The following CD38 variants were observed in gnomAD, a reference collection of about 807,000 sequenced individuals.
The protein encoded by CD38 is ADP-ribosyl cyclase/cyclic ADP-ribose hydrolase 1.
CD38 carries 31 observed loss-of-function variants against 36.3 expected under a neutral mutation model. That is an observed-to-expected ratio of 0.85 (90% CI 0.64 to 1.15). CD38 has a LOEUF of 1.15. Ranked by LOEUF, CD38 falls within the 50% of genes most tolerant of loss-of-function variation. CD38 has a pLI of 0.00. For missense variants in CD38, 380 were observed against 371.9 expected, an observed-to-expected ratio of 1.02 and a Z score of -0.18; for synonymous variants, 131 against 135.2, an observed-to-expected ratio of 0.97 and a Z score of 0.22.
intron 1 of CD38, among the ~76,000 whole-genome samples, chr4:15,780,696 A>G (rs1457107017): frequency 2.0e-5 from 3 of 152,158 alleles, no homozygotes; most frequent in Non-Finnish European, 4.4e-5. Context: ...TAACAATGAC[A>G]GTTTTATTTT....
intron 3 of CD38, among the ~76,000 whole-genome samples, chr4:15,830,531 A>AT (rs1723939277): frequency 6.6e-6 from 1 of 152,122 alleles, no homozygotes. Context: ...ATTTTCTCCC[A>AT]TTCTGTGGGC....
chr4:15,787,827 A>C (rs1722874695), intron 1 of CD38, among the ~76,000 whole-genome samples: 1 of 152,202 alleles, frequency 6.6e-6, no homozygotes, highest in Non-Finnish European at 1.5e-5. Flanking sequence ...TTCAGTACAG[A>C]CATAATGCCG....
rs79571377 is a variant in CD38, at chr4:15,816,743, A to C, written c.363+103A>C. 1,184 of 1,227,248 alleles carry C rather than the reference A, an allele frequency of 9.6e-4. 11 individuals carry two copies. The African/African-American group carries it at 0.016, about 17-fold the overall frequency. The allele number at this position is 1,227,248 out of a possible 1,614,324, so 76.0% of individuals were successfully genotyped here. On this transcript the variant is annotated intron_variant, in intron 2 of 7. Transcript: ENST00000226279. ...TAGAATGAAGGAAGAGGAAAAATCC[A>C]GACATTATAGTGTGAGTGTGGTTGG...
chr4:15,851,476 T>C lies in CD38; in HGVS notation c.*2874T>C, dbSNP rs1286655680. 6.6e-6 allele frequency: 1 copy of C among 152,210 alleles called. No homozygotes were observed. Among genetic ancestry groups the C allele is most frequent in the Non-Finnish European group, 1.5e-5 (1 of 68,054 alleles). The allele number at this position is 152,210 out of a possible 1,614,324, so 9.4% of individuals were successfully genotyped here. Reference sequence around the variant, plus strand: ...CACCATCATGCTTACCCAAAGGCTGTGGGAATGACCTGGGCCCTAATGCCC... The same window carrying C: ...CACCATCATGCTTACCCAAAGGCTGCGGGAATGACCTGGGCCCTAATGCCC... On this transcript the variant is annotated 3_prime_UTR_variant, in exon 8 of 8. Coordinates refer to ENST00000226279, the MANE Select transcript of CD38 (RefSeq NM_001775.4).
chr4:15,785,615 A>G (rs1577631589), intron 1 of CD38, among the ~76,000 whole-genome samples: 1 of 152,032 alleles, frequency 6.6e-6, no homozygotes, highest in Non-Finnish European at 1.5e-5. Context: ...ACTCTTGAAA[A>G]ACAGCTGCCA....
At position 15,840,529 on chromosome 4, in the gene CD38, A is replaced by G. The variant is rs1170180216; in HGVS notation, c.830A>G (p.Asn277Ser). The change falls in exon 7 of 8, where the codon AAT becomes AGT. Residue 277 changes from asparagine (N) to serine (S), a missense_variant. Transcript: ENST00000226279. ...SKRNIQFSCK[N>S]IYRPDKFLQC... ...AGGAATATTCAATTTTCCTGCAAGA[A>G]TATCTACAGGTAATTAATTTCTTCT... The G allele has an allele frequency of 1.9e-6, 3 of 1,557,650 alleles. No individual in the cohort carries two copies. Among genetic ancestry groups the G allele is most frequent in the South Asian group, 1.1e-5 (1 of 89,300 alleles).
chr4:15,803,743 C>G (rs1723277528), intron 1 of CD38, among the ~76,000 whole-genome samples: 1 of 152,072 alleles, frequency 6.6e-6, no homozygotes, highest in Non-Finnish European at 1.5e-5. Flanking sequence ...ATGATTGAAC[C>G]CATCTCCCAG....
chr4:15,790,628 T>C (rs1191555686), intron 1 of CD38, among the ~76,000 whole-genome samples: 54 of 138,754 alleles, frequency 3.9e-4, no homozygotes, highest in African/African-American at 9.8e-4. Context: ...CGTCTCTGCC[T>C]GGCCCCCCAT....
Position 15,778,844 on chromosome 4 carries a change from G to A in CD38, c.233+197G>A, listed in dbSNP as rs1722622726. 6.7e-6 allele frequency among the ~76,000 whole-genome samples: 1 copy of A among 150,078 alleles called. No homozygotes were observed. The highest frequency in any genetic ancestry group is 1.5e-5 in the Non-Finnish European group (1 of 67,482). On this transcript the variant is annotated intron_variant, in intron 1 of 7. Transcript: ENST00000226279. The surrounding 1 kb of genome is among the most constrained non-coding windows in gnomAD (Gnocchi z 4.9). ...TTCAGGAGCAGCTGGCCTTGGCACCGAGCGTGCCCGCGGGAGGCGGGGGGG... is the reference window on the plus strand; with the variant it reads ...TTCAGGAGCAGCTGGCCTTGGCACCAAGCGTGCCCGCGGGAGGCGGGGGGG...
At chr4:15,798,801 A>T (rs1223963008) in intron 1 of CD38, among the ~76,000 whole-genome samples, 1 of 152,170 alleles carries the variant, frequency 6.6e-6, no homozygotes, top group Admixed American at 6.5e-5. Flanking sequence ...TAATTCCCTG[A>T]TCATTAACAT....
At chr4:15,832,470 G>C (rs1723978179) in intron 3 of CD38, among the ~76,000 whole-genome samples, 1 of 152,194 alleles carries the variant, frequency 6.6e-6, no homozygotes, top group Non-Finnish European at 1.5e-5. Context: ...AGGGGGCCCT[G>C]CAAGCCTAGT....
At chr4:15,825,878 C>G (rs953870) in intron 3 of CD38, 8,934 of 152,168 alleles carry the variant, frequency 0.059, 362 homozygotes, top group East Asian at 0.18. Context: ...GTAGCCTTAT[C>G]CTGCCCAGAA....
At chr4:15,799,036 T>G (rs994338406) in intron 1 of CD38, among the ~76,000 whole-genome samples, 5 of 152,220 alleles carry the variant, frequency 3.3e-5, no homozygotes, top group African/African-American at 7.2e-5. Flanking sequence ...ATGATCAAAT[T>G]TATGTTTTCT....
chr4:15,813,745 A>C (rs1368092319), intron 1 of CD38, among the ~76,000 whole-genome samples: 2 of 152,320 alleles, frequency 1.3e-5, no homozygotes, highest in Non-Finnish European at 2.9e-5. Context: ...GATGGCTTCC[A>C]GCTTCATCCA....
At chr4:15,781,933 G>A (rs549723907) in intron 1 of CD38, among the ~76,000 whole-genome samples, 1 of 152,332 alleles carries the variant, frequency 6.6e-6, no homozygotes, top group South Asian at 2.1e-4. Context: ...TGGTTTGACT[G>A]GGATCAGCTG....
intron 1 of CD38, among the ~76,000 whole-genome samples, chr4:15,786,022 A>G (rs1483444471): frequency 1.3e-5 from 2 of 151,434 alleles, no homozygotes; most frequent in African/African-American, 4.9e-5. Context: ...TCCCATCTGG[A>G]GTTGTTCGTT....
In CD38 at chr4:15,808,907, C is replaced by T. The variant is rs543828114; in HGVS notation, c.234-7604C>T. 9.9e-5 allele frequency among the ~76,000 whole-genome samples: 15 copies of T among 152,236 alleles called. No homozygotes were observed. In the South Asian group the frequency reaches 2.3e-3, roughly 23 times the overall value. On this transcript the variant is annotated intron_variant, in intron 1 of 7. Coordinates refer to ENST00000226279, the MANE Select transcript of CD38 (RefSeq NM_001775.4). ...GCTCGCCCTCTGTTCTTGGAAGCAACGTTTGGGATGGCCTCTTGGGAGGCT... is the reference window on the plus strand; with the variant it reads ...GCTCGCCCTCTGTTCTTGGAAGCAATGTTTGGGATGGCCTCTTGGGAGGCT...
intron 3 of CD38, among the ~76,000 whole-genome samples, chr4:15,826,949 C>A (rs1221808915): frequency 6.6e-6 from 1 of 152,018 alleles, no homozygotes; most frequent in Non-Finnish European, 1.5e-5. Context: ...GCTGGCAGTT[C>A]ATATATTTTG....
At chr4:15,841,135 T>A (rs1385243254) in intron 7 of CD38, among the ~76,000 whole-genome samples, 3 of 152,204 alleles carry the variant, frequency 2.0e-5, no homozygotes, top group Non-Finnish European at 4.4e-5. Flanking sequence ...TAAAGTCACA[T>A]ATAATTCTAG....
Sources: gnomAD v4.1 joint callset for allele counts (sites outside exome capture counted in the v4.1 genomes callset) on GRCh38, gnomAD v4.1.1 for gene constraint, Gnocchi (gnomAD v3.1) non-coding constraint, MANE v1.5 for transcripts, NCBI Gene and HGNC (gene_info 2026-07-23, HGNC 2026-07-21) for gene names.